TDRD12: variants seen among roughly 807,000 people sequenced by gnomAD.
The protein encoded by TDRD12 is putative ATP-dependent RNA helicase TDRD12.
A neutral mutation model predicts 133.5 loss-of-function variants in TDRD12; 158 were observed. The observed-to-expected ratio is 1.18, with a 90% CI of 1.04 to 1.35. The LOEUF (loss-of-function observed/expected upper bound fraction) is 1.35, where lower values mean the gene tolerates loss of function less well. Among genes scored for constraint, TDRD12 ranks in the 40% most tolerant of loss-of-function variants. The probability of loss-of-function intolerance (pLI) is 0.00; values close to 1 mark genes in which losing one functional copy is unlikely to be tolerated. For missense variants in TDRD12, 1,443 were observed against 1,321.3 expected, an observed-to-expected ratio of 1.09 and a Z score of -1.43; for synonymous variants, 460 against 477.9, an observed-to-expected ratio of 0.96 and a Z score of 0.49.
chr19:32,799,004 A>G (rs1022511741), intron 16 of TDRD12, among the ~76,000 whole-genome samples: 1 of 152,212 alleles, frequency 6.6e-6, no homozygotes, highest in East Asian at 1.9e-4. Context: ...CAACTGTCTT[A>G]ATATTGGATA....
At chr19:32,815,215 C>A (rs181633800) in intron 25 of TDRD12, among the ~76,000 whole-genome samples, 202 of 152,234 alleles carry the variant, frequency 1.3e-3, no homozygotes, top group African/African-American at 4.4e-3. Context: ...GCCACCCCCC[C>A]ACCACCTGCC....
intron 8 of TDRD12, among the ~76,000 whole-genome samples, chr19:32,769,678 C>T (rs763399633): frequency 6.6e-6 from 1 of 151,978 alleles, no homozygotes; most frequent in Non-Finnish European, 1.5e-5. Context: ...CTCTCATTGC[C>T]CAGGCTAGAG....
rs1417780266 is a variant in TDRD12, at chr19:32,756,132, T to TA, written c.724dup (p.Thr242AsnfsTer39). On this transcript the variant is annotated frameshift_variant, in exon 7 of 28. Coordinates refer to ENST00000444215, the Ensembl canonical transcript of TDRD12. LOFTEE classifies it high-confidence loss of function. ...CCTTCAATAAACTCAATCCAGCACT[T>TA]ACACTCTGGCCAATGTTTTTGCAAG... 1 of 1,457,004 alleles carries TA rather than the reference T, an allele frequency of 6.9e-7. No homozygotes were observed. Among genetic ancestry groups the TA allele is most frequent in the Non-Finnish European group, 9.0e-7 (1 of 1,108,984 alleles). 90.3% of individuals were successfully genotyped at this position (1,457,004 alleles called of 1,614,324 possible).
intron 6 of TDRD12, among the ~76,000 whole-genome samples, chr19:32,754,824 T>C (rs974090337): frequency 1.7e-4 from 26 of 152,076 alleles, no homozygotes; most frequent in African/African-American, 5.8e-4. Context: ...ATTATAGGCA[T>C]GCGCCACCAC....
intron 21 of TDRD12, among the ~76,000 whole-genome samples, chr19:32,806,932 G>C (rs916967427): frequency 3.3e-5 from 5 of 152,160 alleles, no homozygotes; most frequent in African/African-American, 1.2e-4. Flanking sequence ...AAAGTGCTGG[G>C]ATTACAGGCA....
intron 6 of TDRD12, 131 bp downstream of exon 6, chr19:32,750,000 C>G: frequency 1.7e-6 from 1 of 601,562 alleles, no homozygotes. Context: ...TAAGGTCTAT[C>G]TTAGACCCGA....
chr19:32,800,581 G>T, intron 17 of TDRD12, 63 bp from the exon 18 acceptor site: 2 of 1,393,626 alleles, frequency 1.4e-6, no homozygotes, highest in South Asian at 3.1e-5. Context: ...AACACCTGTG[G>T]AAAGTGGATC....
chr19:32,790,002 CA>C (rs1229916207), intron 11 of TDRD12, among the ~76,000 whole-genome samples: 5 of 144,388 alleles, frequency 3.5e-5, no homozygotes, highest in Admixed American at 7.0e-5. Flanking sequence ...AACTCCATCT[CA>C]AAAAAAAAAG....
At chr19:32,765,885 A>G (rs1171890481) in intron 8 of TDRD12, among the ~76,000 whole-genome samples, 1 of 151,798 alleles carries the variant, frequency 6.6e-6, no homozygotes, top group African/African-American at 2.4e-5. Context: ...AACTTAAAGT[A>G]TAATTTAAAA....
intron 2 of TDRD12, among the ~76,000 whole-genome samples, chr19:32,734,053 G>A (rs916796569): frequency 6.6e-6 from 1 of 151,484 alleles, no homozygotes; most frequent in Non-Finnish European, 1.5e-5. Context: ...CACCATGCCC[G>A]GCTAATTTCG....
chr19:32,772,109 G>A (rs1372732487), intron 8 of TDRD12, among the ~76,000 whole-genome samples: 1 of 152,162 alleles, frequency 6.6e-6, no homozygotes, highest in Non-Finnish European at 1.5e-5. Flanking sequence ...GGAGACGTGA[G>A]GGCTGGCATT....
intron 11 of TDRD12, among the ~76,000 whole-genome samples, chr19:32,784,395 T>G (rs1167006007): frequency 5.9e-5 from 9 of 152,230 alleles, no homozygotes; most frequent in Admixed American, 5.9e-4. Context: ...GGTTTGCCAG[T>G]ATTTTATTGA....
intron 6 of TDRD12, among the ~76,000 whole-genome samples, chr19:32,754,964 A>G (rs1969950233): frequency 6.6e-6 from 1 of 152,212 alleles, no homozygotes; most frequent in Non-Finnish European, 1.5e-5. Context: ...GCATGAGATC[A>G]TAACTGCCGG....
chr19:32,806,339 T>TG (rs1195070512), intron 21 of TDRD12, among the ~76,000 whole-genome samples: 6 of 146,128 alleles, frequency 4.1e-5, no homozygotes, highest in African/African-American at 1.6e-4. Flanking sequence ...AAGACCGAGT[T>TG]TTTTTTTTTT....
intron 1 of TDRD12, among the ~76,000 whole-genome samples, chr19:32,727,328 G>A (rs867148410): frequency 6.6e-6 from 1 of 152,078 alleles, no homozygotes; most frequent in Non-Finnish European, 1.5e-5. Flanking sequence ...TTGGGTTTTT[G>A]TATTGTTTTA....
At chr19:32,818,640 A>G (rs1318825743) in intron 27 of TDRD12, among the ~76,000 whole-genome samples, 1 of 152,186 alleles carries the variant, frequency 6.6e-6, no homozygotes, top group East Asian at 1.9e-4. Context: ...TGGCAAGAGC[A>G]CAGCCCTCGT....
At chr19:32,822,282 A>G (rs1224724370), downstream of TDRD12, among the ~76,000 whole-genome samples, 1 of 151,910 alleles carries the variant, frequency 6.6e-6, no homozygotes, top group African/African-American at 2.4e-5. Flanking sequence ...ACACAAAAAT[A>G]TTAGCCAGCT....
chr19:32,761,365 C>T (rs1214241283), intron 8 of TDRD12, among the ~76,000 whole-genome samples: 3 of 152,086 alleles, frequency 2.0e-5, no homozygotes, highest in African/African-American at 7.2e-5. Flanking sequence ...CTCCTGACCT[C>T]GTGATCCGCC....
intron 13 of TDRD12, among the ~76,000 whole-genome samples, chr19:32,793,618 A>G (rs1349571731): frequency 1.3e-5 from 2 of 152,134 alleles, no homozygotes; most frequent in Admixed American, 1.3e-4. Context: ...AGTTACATAG[A>G]AAAATAAGCA....
Sources: gnomAD v4.1 joint callset for allele counts (sites outside exome capture counted in the v4.1 genomes callset) on GRCh38, gnomAD v4.1.1 for gene constraint, MANE v1.5 for transcripts, NCBI Gene and HGNC (gene_info 2026-07-23, HGNC 2026-07-21) for gene names.